Variants in NELL1 observed in about 807,000 individuals in gnomAD.
NELL1 encodes protein kinase C-binding protein NELL1.
A neutral mutation model predicts 107.4 loss-of-function variants in NELL1; 76 were observed. The ratio of observed to expected loss-of-function variants is 0.71; its 90% CI spans 0.59 to 0.86. The LOEUF (loss-of-function observed/expected upper bound fraction) is 0.86. NELL1 is among the 40% of genes least tolerant of loss of function. The probability of loss-of-function intolerance (pLI) is 0.00; values close to 1 mark genes in which losing one functional copy is unlikely to be tolerated. For synonymous variants in NELL1, 353 were observed against 341.2 expected (o/e 1.03, Z -0.38); for missense variants, 1,024 against 1,005.5 (o/e 1.02, Z -0.25).
chr11:21,167,461 G>A (rs1391239293), intron 13 of NELL1, among the ~76,000 whole-genome samples: 1 of 151,800 alleles, frequency 6.6e-6, no homozygotes, highest in East Asian at 1.9e-4. Context: ...TGGAGATTAG[G>A]TCAGTTCTTC....
chr11:21,099,912 C>T (rs561058543), intron 12 of NELL1, among the ~76,000 whole-genome samples: 4 of 152,202 alleles, frequency 2.6e-5, no homozygotes, highest in African/African-American at 7.2e-5. Context: ...AACTCACATA[C>T]TAGGCAATTT....
chr11:20,899,385 G>A (rs1329028037), intron 5 of NELL1, among the ~76,000 whole-genome samples: 2 of 152,124 alleles, frequency 1.3e-5, no homozygotes, highest in African/African-American at 2.4e-5. Context: ...ATCATTTAAA[G>A]TAACTAATCA....
At chr11:20,963,363 C>G (rs897217783) in intron 12 of NELL1, among the ~76,000 whole-genome samples, 1 of 151,970 alleles carries the variant, frequency 6.6e-6, no homozygotes, top group Admixed American at 6.6e-5. Context: ...ACTTCTAGAC[C>G]GATGTTTGAG....
intron 2 of NELL1, among the ~76,000 whole-genome samples, chr11:20,766,159 T>C (rs1359423743): frequency 6.6e-6 from 1 of 152,176 alleles, no homozygotes; most frequent in Non-Finnish European, 1.5e-5. Context: ...ACTTCAGGAT[T>C]GATGTCGAGA....
At chr11:20,700,196 A>G (rs1311939321) in intron 2 of NELL1, among the ~76,000 whole-genome samples, 1 of 152,154 alleles carries the variant, frequency 6.6e-6, no homozygotes, top group African/African-American at 2.4e-5. Flanking sequence ...ATGTATTTCA[A>G]TAGGCTGGGT....
chr11:21,202,009 T>C (rs2133849194), intron 13 of NELL1, among the ~76,000 whole-genome samples: 1 of 152,348 alleles, frequency 6.6e-6, no homozygotes, highest in African/African-American at 2.4e-5. Flanking sequence ...CTTTTTGATG[T>C]GCTGCCGGAT....
chr11:21,099,027 T>G lies in NELL1; in HGVS notation c.1301-14562T>G, dbSNP rs570530487. On this transcript the variant is annotated intron_variant, in intron 12 of 19. Coordinates refer to ENST00000357134, the MANE Select transcript of NELL1 (RefSeq NM_006157.5). ...CCAAAAACTCGTTTCCTTTACCTAA[T>G]GTAGGACGACCAATTCATCTTTGTT... 3.9e-5 allele frequency among the ~76,000 whole-genome samples: 6 copies of G among 152,226 alleles called. No individual in the cohort carries two copies. In the South Asian group the frequency reaches 1.0e-3, roughly 26 times the overall value.
intron 12 of NELL1, among the ~76,000 whole-genome samples, chr11:21,080,512 CATATT>C (rs149082819): frequency 2.0e-5 from 3 of 152,158 alleles, no homozygotes; most frequent in East Asian, 1.9e-4. Flanking sequence ...CATATAGAAT[CATATT>C]ATATCTTTCT....
chr11:20,688,339 T>C (rs1038899569), intron 2 of NELL1, among the ~76,000 whole-genome samples: 1 of 152,142 alleles, frequency 6.6e-6, no homozygotes, highest in South Asian at 2.1e-4. Flanking sequence ...ACCCAGGTAG[T>C]AAGGATAGTA....
In NELL1 at chr11:21,113,720, C is replaced by A; in HGVS notation, c.1426+6C>A. On this transcript the variant is annotated splice_donor_region_variant and intron_variant, in intron 13 of 19. Transcript: ENST00000357134. ...GGATGACTTCTCTTGTACAGGTGAG[C>A]TTTAAGAAGCAGTGTTGTTTTTTTA... The A allele has an allele frequency of 6.2e-7, 1 of 1,609,208 alleles. No homozygotes were observed. The highest frequency in any genetic ancestry group is 8.5e-7 in the Non-Finnish European group (1 of 1,177,456).
chr11:21,342,831 A>G (rs376000349), intron 14 of NELL1, among the ~76,000 whole-genome samples: 6 of 152,062 alleles, frequency 3.9e-5, no homozygotes, highest in African/African-American at 1.2e-4. Flanking sequence ...TTCTTATTAC[A>G]TTCAGTATCC....
chr11:21,121,353 C>T (rs181714045), intron 13 of NELL1, among the ~76,000 whole-genome samples: 1 of 152,266 alleles, frequency 6.6e-6, no homozygotes, highest in East Asian at 1.9e-4. Context: ...TCCAAAGCTG[C>T]ACTCTGAGAT....
At chr11:20,883,231 T>C (rs1397158096) in intron 4 of NELL1, among the ~76,000 whole-genome samples, 1 of 152,242 alleles carries the variant, frequency 6.6e-6, no homozygotes, top group Non-Finnish European at 1.5e-5. Context: ...CTTTGACACA[T>C]GTGCCCTGGG....
At chr11:20,925,125 T>A (rs1850465552) in intron 7 of NELL1, among the ~76,000 whole-genome samples, 1 of 152,206 alleles carries the variant, frequency 6.6e-6, no homozygotes, top group African/African-American at 2.4e-5. Context: ...CAGATTTTGG[T>A]ATCTGCAAGT....
At chr11:20,726,558 A>G (rs1452709105) in intron 2 of NELL1, among the ~76,000 whole-genome samples, 2 of 151,852 alleles carry the variant, frequency 1.3e-5, no homozygotes, top group African/African-American at 4.8e-5. Flanking sequence ...AAAAAAAAAC[A>G]CTCAATATTA....
chr11:21,456,936 A>AT (rs1352962995), intron 15 of NELL1, among the ~76,000 whole-genome samples: 2 of 152,116 alleles, frequency 1.3e-5, no homozygotes, highest in Non-Finnish European at 2.9e-5. Context: ...TGATATGTTG[A>AT]TTTCAGAAAG....
At chr11:21,056,638 TC>T (rs1853622352) in intron 12 of NELL1, among the ~76,000 whole-genome samples, 1 of 152,232 alleles carries the variant, frequency 6.6e-6, no homozygotes, top group African/African-American at 2.4e-5. Context: ...GAAAGCTTAT[TC>T]TTTTAACAAA....
In NELL1 at chr11:20,985,246, G is replaced by A. The variant is rs560661473; in HGVS notation, c.1300+24686G>A. Among the ~76,000 whole-genome samples the A allele has an allele frequency of 6.6e-5, 10 of 152,176 alleles. No homozygotes were observed. The East Asian group carries it at 1.2e-3, about 18-fold the overall frequency. ...TAAAGCAGTAGAAATGAATTTTAAG[G>A]TAAAATTCCAGTAGTCAGTGAAATC... On this transcript the variant is annotated intron_variant, in intron 12 of 19. Coordinates refer to ENST00000357134, the MANE Select transcript of NELL1 (RefSeq NM_006157.5).
At chr11:20,774,179 ATCCCC>A (rs1856701442) in intron 2 of NELL1, among the ~76,000 whole-genome samples, 1 of 26,930 alleles carries the variant, frequency 3.7e-5, no homozygotes, top group Non-Finnish European at 7.1e-5. Flanking sequence ...CTCCCCTCCC[ATCCCC>A]TCCCCTCCCA....
Sources: allele counts gnomAD v4.1 joint callset (sites outside exome capture counted in the v4.1 genomes callset), GRCh38; gene constraint gnomAD v4.1.1; transcripts MANE v1.5; gene names NCBI Gene and HGNC (gene_info 2026-07-23, HGNC 2026-07-21).